Variants in GBX1 observed in about 807,000 individuals in gnomAD.
The protein encoded by GBX1 is gastrulation brain homeobox 1.
Under a neutral mutation model 22.9 loss-of-function variants are expected in GBX1, and 9 were observed. The observed-to-expected ratio is 0.39, with a 90% CI of 0.24 to 0.69. The LOEUF is 0.69. GBX1 is among the 30% of genes least tolerant of loss of function. The pLI, the probability that GBX1 is intolerant of heterozygous loss-of-function variation, is 0.43. For missense variants in GBX1, 494 were observed against 509.2 expected (o/e 0.97, Z 0.29); for synonymous variants, 203 against 227.3 (o/e 0.89, Z 0.96).
chr7:151,151,924 A>G (rs1453937114), intron 1 of GBX1, among the ~76,000 whole-genome samples: 1 of 152,166 alleles, frequency 6.6e-6, no homozygotes, highest in African/African-American at 2.4e-5. Context: ...GGTCTTTATC[A>G]GTGACACCTC....
At chr7:151,156,410 A>AGTGTATTTTCTAACTTTG (rs1801135431) in intron 1 of GBX1, among the ~76,000 whole-genome samples, 1 of 149,426 alleles carries the variant, frequency 6.7e-6, no homozygotes, top group African/African-American at 2.5e-5. Context: ...AAAAAAAAAA[A>AGTGTATTTTCTAACTTTG]AAAAAACGAA....
At chr7:151,154,787 G>A (rs532011148) in intron 1 of GBX1, among the ~76,000 whole-genome samples, 1 of 152,318 alleles carries the variant, frequency 6.6e-6, no homozygotes, top group Non-Finnish European at 1.5e-5. Context: ...AGCAGCTCCA[G>A]AGTCAGAAAG....
chr7:151,149,581 T>G (rs1033025620), intron 1 of GBX1, among the ~76,000 whole-genome samples: 1 of 152,174 alleles, frequency 6.6e-6, no homozygotes, highest in African/African-American at 2.4e-5. Context: ...TGAAGCAGTA[T>G]GGGACCCGGC....
At chr7:151,154,227 C>T (rs1801110045) in intron 1 of GBX1, among the ~76,000 whole-genome samples, 1 of 151,928 alleles carries the variant, frequency 6.6e-6, no homozygotes, top group African/African-American at 2.4e-5. Context: ...AGTAAATTTC[C>T]AATTGCAGAC....
chr7:151,156,968 G>C (rs1029143843), intron 1 of GBX1, among the ~76,000 whole-genome samples: 2 of 129,692 alleles, frequency 1.5e-5, no homozygotes, highest in African/African-American at 3.0e-5. Context: ...CCAGGCAACA[G>C]AGTGAGACTC....
In GBX1 at chr7:151,167,231, G is replaced by T; in HGVS notation, c.318C>A (p.Pro106=). Residue 106 remains proline (P), a synonymous_variant, in exon 1 of 2, where the codon CCC becomes CCA. Coordinates refer to ENST00000297537, the MANE Select transcript of GBX1 (RefSeq NM_001098834.3). This position sits in a 1 kb window ranked among gnomAD's most constrained non-coding sequence, Gnocchi z 5.9. ...PSMVALTTAL[P]SFAEPPDAFY... ...AAGCGTCGGGCGGCTCCGCGAAGCT[G>T]GGCAGCGCGGTGGTCAGCGCCACCA... 15 of 1,554,270 alleles carry T rather than the reference G, an allele frequency of 9.7e-6. No homozygotes were observed. The highest frequency in any genetic ancestry group is 1.3e-5 in the Non-Finnish European group (15 of 1,152,098).
At chr7:151,149,519 C>A (rs900289881) in intron 1 of GBX1, among the ~76,000 whole-genome samples, 22 of 152,048 alleles carry the variant, frequency 1.4e-4, no homozygotes, top group Admixed American at 5.2e-4. Context: ...CCCAGCATCG[C>A]AGTGATATAC....
intron 1 of GBX1, among the ~76,000 whole-genome samples, chr7:151,165,139 C>A (rs994207780): frequency 2.6e-5 from 4 of 152,302 alleles, no homozygotes; most frequent in Non-Finnish European, 5.9e-5. Flanking sequence ...TACAACTCAT[C>A]CCCTGGTCCT....
At chr7:151,154,111 G>A (rs1185014261) in intron 1 of GBX1, among the ~76,000 whole-genome samples, 6 of 152,172 alleles carry the variant, frequency 3.9e-5, no homozygotes, top group East Asian at 1.9e-4. Context: ...GTTGGCGTGC[G>A]CCTGTGATTC....
rs190680768 is a variant in GBX1 at position 151,150,636 on chromosome 7, C to T, written c.539-1494G>A. 1.9e-3 allele frequency among the ~76,000 whole-genome samples: 288 copies of T among 152,112 alleles called. 1 individual carries two copies. The highest frequency in any genetic ancestry group is 5.0e-3 in the Admixed American group (76 of 15,282). On this transcript the variant is annotated intron_variant, in intron 1 of 1. Coordinates refer to ENST00000297537, the MANE Select transcript of GBX1 (RefSeq NM_001098834.3). Reference sequence around the variant, plus strand: ...TTCTCCTTCAGCACACCCCGCCCCACCCCCTGCCAAGTTCCCTTCCCCCTC... The same window carrying T: ...TTCTCCTTCAGCACACCCCGCCCCATCCCCTGCCAAGTTCCCTTCCCCCTC...
intron 1 of GBX1, among the ~76,000 whole-genome samples, chr7:151,163,754 TTCTA>T (rs1801212305): frequency 6.6e-6 from 1 of 152,204 alleles, no homozygotes; most frequent in African/African-American, 2.4e-5. Flanking sequence ...CTTTGGGCTC[TTCTA>T]TTGAGTCATA....
At chr7:151,160,990 A>G (rs1419735966) in intron 1 of GBX1, among the ~76,000 whole-genome samples, 1 of 151,920 alleles carries the variant, frequency 6.6e-6, no homozygotes, top group Non-Finnish European at 1.5e-5. Context: ...CCTTCTCATC[A>G]TTCCTGTTTA....
At chr7:151,163,114 T>G (rs535699006) in intron 1 of GBX1, among the ~76,000 whole-genome samples, 1 of 152,190 alleles carries the variant, frequency 6.6e-6, no homozygotes, top group Non-Finnish European at 1.5e-5. Flanking sequence ...CTTTCTACAT[T>G]TCTCCACATT....
chr7:151,167,691 G>C lies in GBX1; in HGVS notation c.-143C>G. ...GGCGGCGGGGCGCGGGCTCGGCGCA[G>C]TGTGGCTCCGGCGCCGCGCTCCCTC... On this transcript the variant is annotated 5_prime_UTR_variant, in exon 1 of 2. Transcript: ENST00000297537. This position sits in a 1 kb window ranked among gnomAD's most constrained non-coding sequence, Gnocchi z 5.9. 2.4e-6 allele frequency: 2 copies of C among 833,552 alleles called. No homozygotes were observed. Among genetic ancestry groups the C allele is most frequent in the South Asian group, 1.1e-4 (2 of 17,550 alleles). 51.6% of individuals were successfully genotyped at this position (833,552 alleles called of 1,614,324 possible).
At chr7:151,160,439 A>G (rs1334961177) in intron 1 of GBX1, among the ~76,000 whole-genome samples, 1 of 152,178 alleles carries the variant, frequency 6.6e-6, no homozygotes, top group Non-Finnish European at 1.5e-5. Flanking sequence ...TTCAGTCAAG[A>G]CATCTGCCTC....
intron 1 of GBX1, among the ~76,000 whole-genome samples, chr7:151,157,994 A>G (rs1257042872): frequency 6.6e-6 from 1 of 152,234 alleles, no homozygotes; most frequent in Admixed American, 6.5e-5. Flanking sequence ...AATGAGGTGA[A>G]GACAGAGAGA....
At position 151,166,358 on chromosome 7, in the gene GBX1, C is replaced by T. The variant is rs1220208283; in HGVS notation, c.538+653G>A. ...GCCTCTCTCTTGGTCTCCTAGTCAG[C>T]ACTTGTCCAGCGTGTGCTAGGCCTC... On this transcript the variant is annotated intron_variant, in intron 1 of 1. Coordinates refer to ENST00000297537, the MANE Select transcript of GBX1 (RefSeq NM_001098834.3). 2.0e-5 allele frequency among the ~76,000 whole-genome samples: 3 copies of T among 152,194 alleles called. No homozygotes were observed. In the South Asian group the frequency reaches 6.2e-4, roughly 32 times the overall value.
chr7:151,158,650 C>T (rs937718329), intron 1 of GBX1, among the ~76,000 whole-genome samples: 5 of 152,066 alleles, frequency 3.3e-5, no homozygotes, highest in African/African-American at 1.2e-4. Flanking sequence ...TCTTTCCTGG[C>T]AGTCCCCGAA....
rs918194919 is a variant in GBX1, at chr7:151,167,216, C to A, written c.333G>T (p.Pro111=). 6.4e-7 allele frequency: 1 copy of A among 1,559,184 alleles called. No individual in the cohort carries two copies. The highest frequency in any genetic ancestry group is 8.7e-7 in the Non-Finnish European group (1 of 1,154,616). ...CCTGGGGCCCGTAGAAAGCGTCGGG[C>A]GGCTCCGCGAAGCTGGGCAGCGCGG... The part of the protein sequence containing the change: ...LTTALPSFAE[P]PDAFYGPQEL... Residue 111 remains proline, a synonymous_variant, in exon 1 of 2, where the codon CCG becomes CCT. Transcript: ENST00000297537. This position sits in a 1 kb window ranked among gnomAD's most constrained non-coding sequence, Gnocchi z 5.9.
Sources: gnomAD v4.1 joint callset for allele counts (sites outside exome capture counted in the v4.1 genomes callset) on GRCh38, gnomAD v4.1.1 for gene constraint, Gnocchi (gnomAD v3.1) non-coding constraint, MANE v1.5 for transcripts, NCBI Gene and HGNC (gene_info 2026-07-23, HGNC 2026-07-21) for gene names.